TMEM165: variants seen among roughly 807,000 people sequenced by gnomAD.
The protein encoded by TMEM165 is putative divalent cation/proton antiporter TMEM165.
TMEM165 carries 19 observed loss-of-function variants against 30.0 expected under a neutral mutation model. The ratio of observed to expected loss-of-function variants is 0.63; its 90% CI spans 0.44 to 0.93. The LOEUF (loss-of-function observed/expected upper bound fraction) is 0.93. Ranked by LOEUF, TMEM165 falls within the 40% of genes least tolerant of loss-of-function variation. TMEM165 has a pLI of 0.00. For missense variants in TMEM165, 340 were observed against 417.0 expected (o/e 0.82, Z 1.61); for synonymous variants, 168 against 162.9 (o/e 1.03, Z -0.24).
At chr4:55,408,207 G>C (rs1462994813) in intron 1 of TMEM165, among the ~76,000 whole-genome samples, 1 of 152,188 alleles carries the variant, frequency 6.6e-6, no homozygotes, top group Non-Finnish European at 1.5e-5. Context: ...TTGGTTGTAT[G>C]ATTTTGGCCA....
intron 4 of TMEM165, among the ~76,000 whole-genome samples, chr4:55,420,123 A>T (rs1206847210): frequency 0.057 from 2,287 of 40,374 alleles, 173 homozygotes; most frequent in African/African-American, 0.21. Context: ...ATATATATAC[A>T]TATATATTTA....
chr4:55,451,088 C>T (rs1724403552), intron 3 of TMEM165, among the ~76,000 whole-genome samples: 1 of 151,920 alleles, frequency 6.6e-6, no homozygotes, highest in African/African-American at 2.4e-5. Flanking sequence ...TCCCTTCCTA[C>T]CACTGCCCCA....
intron 3 of TMEM165, chr4:55,442,687 G>T: frequency 7.0e-7 from 1 of 1,438,542 alleles, no homozygotes; most frequent in Non-Finnish European, 9.7e-7. Flanking sequence ...TAATTATTTG[G>T]GAAGTATGCT....
At position 55,425,650 on chromosome 4, in the gene TMEM165, A is replaced by C. The variant is rs1268650620; in HGVS notation, c.*198A>C. On this transcript the variant is annotated 3_prime_UTR_variant, in exon 6 of 6. Transcript: ENST00000381334. ...GAGTTTTAAAAGAAACCTGACTTCT[A>C]AGTGTGGGTTTTTCTTCTCTCCAAC... 1 of 497,050 alleles carries C rather than the reference A, an allele frequency of 2.0e-6. No individual in the cohort carries two copies. The highest frequency in any genetic ancestry group is 3.6e-5 in the East Asian group (1 of 27,672). 30.8% of individuals were successfully genotyped at this position (497,050 alleles called of 1,614,324 possible).
intron 3 of TMEM165, chr4:55,443,999 A>T (rs1723585194): frequency 1.1e-5 from 11 of 978,824 alleles, no homozygotes; most frequent in Non-Finnish European, 1.7e-5. Context: ...TTTAAAAAGC[A>T]AGTAACAAGG....
chr4:55,453,396 T>A (rs902289451), exon 4 of TMEM165: 3 of 485,238 alleles, frequency 6.2e-6, no homozygotes, highest in African/African-American at 5.8e-5. Context: ...TATGCTTATC[T>A]ACCTACAGTT....
At chr4:55,415,201 A>G (rs1721673918) in intron 2 of TMEM165, 1 of 152,178 alleles carries the variant, frequency 6.6e-6, no homozygotes, top group Non-Finnish European at 1.5e-5. Context: ...ACTGCCAGCA[A>G]GAGCTCTCCT....
rs189003189 is a variant in TMEM165 at position 55,448,842 on chromosome 4, T to C, written c.409-3397T>C. The C allele has an allele frequency of 1.9e-6, 3 of 1,613,928 alleles. No individual in the cohort carries two copies. The African/African-American group carries it at 4.0e-5, about 22-fold the overall frequency. On this transcript the variant is annotated intron_variant, in intron 3 of 3. Transcript: ENST00000608091. ...GAGACATCACTGGCTGTGTTAATGATGAACCAACAGACTGGGAATTTATGG... is the reference window on the plus strand; with the variant it reads ...GAGACATCACTGGCTGTGTTAATGACGAACCAACAGACTGGGAATTTATGG...
intron 1 of TMEM165, among the ~76,000 whole-genome samples, chr4:55,399,944 T>C (rs866732986): frequency 6.6e-6 from 1 of 150,864 alleles, no homozygotes; most frequent in Non-Finnish European, 1.5e-5. Flanking sequence ...TCATTTTAGT[T>C]AGGCATTTAT....
rs1241099369 is a variant in TMEM165, at chr4:55,396,187, G to T, written c.-3G>T. On this transcript the variant is annotated 5_prime_UTR_variant, in exon 1 of 6. Coordinates refer to ENST00000381334, the MANE Select transcript of TMEM165 (RefSeq NM_018475.5). ...CCCGTGCGCGGCCGGCCCGGCAGGC[G>T]GGATGGCGGCCGCGGCTCCAGGGAA... is the stretch of plus-strand genomic sequence containing the variant. The T allele has an allele frequency of 7.1e-7, 1 of 1,405,410 alleles. No individual in the cohort carries two copies. Among genetic ancestry groups the T allele is most frequent in the Non-Finnish European group, 9.2e-7 (1 of 1,087,092 alleles). 87.1% of individuals were successfully genotyped at this position (1,405,410 alleles called of 1,614,324 possible).
chr4:55,425,590 T>C lies in TMEM165; in HGVS notation c.*138T>C, dbSNP rs569134249. ...TTTGTGAGTTTGACCCATTATTATGTCTGAGATATAATCATTGATTCTATT... is the reference window on the plus strand; with the variant it reads ...TTTGTGAGTTTGACCCATTATTATGCCTGAGATATAATCATTGATTCTATT... On this transcript the variant is annotated 3_prime_UTR_variant, in exon 6 of 6. Transcript: ENST00000381334. 2.0e-5 allele frequency: 13 copies of C among 638,738 alleles called. No individual in the cohort carries two copies. In the South Asian group the frequency reaches 2.8e-4, roughly 14 times the overall value. 39.6% of individuals were successfully genotyped at this position (638,738 alleles called of 1,614,324 possible).
chr4:55,448,422 T>A (rs1724059685), intron 3 of TMEM165, among the ~76,000 whole-genome samples: 1 of 152,170 alleles, frequency 6.6e-6, no homozygotes, highest in Non-Finnish European at 1.5e-5. Context: ...TTCTTTGTTG[T>A]GCAAGACTCT....
At chr4:55,411,577 T>C (rs1367032654) in intron 1 of TMEM165, 37 bp from the exon 2 acceptor site, 1 of 1,523,346 alleles carries the variant, frequency 6.6e-7, no homozygotes, top group East Asian at 2.3e-5. Context: ...TAATTTTGAA[T>C]AATGATTTTA....
intron 3 of TMEM165, among the ~76,000 whole-genome samples, chr4:55,448,611 T>C (rs398051420): frequency 0.038 from 3,127 of 81,536 alleles, 44 homozygotes; most frequent in African/African-American, 0.072. Flanking sequence ...CGTGTGTGTG[T>C]GTGTGTGTGT....
intron 1 of TMEM165, among the ~76,000 whole-genome samples, chr4:55,404,044 C>CT (rs1721166560): frequency 1.9e-5 from 2 of 106,804 alleles, no homozygotes; most frequent in African/African-American, 3.8e-5. Context: ...TTCTTTCTTT[C>CT]CTTTTTTTTT....
Position 55,417,816 on chromosome 4 carries a change from A to C in TMEM165, c.623A>C (p.Lys208Thr), listed in dbSNP as rs1721800356. 1 of 1,600,114 alleles carries C rather than the reference A, an allele frequency of 6.2e-7. No individual in the cohort carries two copies. ...KKKDEEFQRT[K>T]LLNGPGDVET... The stretch of plus-strand genomic sequence containing the variant: ...TATTTATTTTAGTTTCAACGAACCA[A>C]ACTTTTAAATGGACCGGGAGATGTT... Residue 208 changes from lysine to threonine, a missense_variant, in exon 4 of 6, where the codon AAA becomes ACA. Physicochemically the swap from Lys to Thr is moderately conservative, Grantham distance 78. Coordinates refer to ENST00000381334, the MANE Select transcript of TMEM165 (RefSeq NM_018475.5).
rs1722172423 is a variant in TMEM165, at chr4:55,425,844, AGAAT to A, written c.*397_*400del. On this transcript the variant is annotated 3_prime_UTR_variant, in exon 6 of 6. Coordinates refer to ENST00000381334, the MANE Select transcript of TMEM165 (RefSeq NM_018475.5). The stretch of plus-strand genomic sequence containing the variant: ...TTACCTTAAAGTTTTTCTTGGGGAA[AGAAT>A]GAATTAATTTCTATTTCTTAAAACA... 6.5e-6 allele frequency: 1 copy of A among 154,652 alleles called. No homozygotes were observed. The highest frequency in any genetic ancestry group is 2.4e-5 in the African/African-American group (1 of 41,556). The allele number at this position is 154,652 out of a possible 1,614,324, so 9.6% of individuals were successfully genotyped here. A position where few individuals can be genotyped will look rare whatever the true frequency, so the allele number is the denominator to read the frequency against.
exon 4 of TMEM165, chr4:55,453,339 C>T (rs1724635915): frequency 1.5e-5 from 8 of 528,232 alleles, no homozygotes; most frequent in South Asian, 1.3e-4. Context: ...TGTAAACGAT[C>T]CATAACCACA....
intron 3 of TMEM165, among the ~76,000 whole-genome samples, chr4:55,441,204 T>G (rs1282128951): frequency 1.3e-5 from 2 of 152,128 alleles, no homozygotes; most frequent in Admixed American, 6.5e-5. Flanking sequence ...AAACTCAACT[T>G]AAAACCACAA....
Sources: gnomAD v4.1 joint callset for allele counts (sites outside exome capture counted in the v4.1 genomes callset) on GRCh38, gnomAD v4.1.1 for gene constraint, MANE v1.5 for transcripts, NCBI Gene and HGNC (gene_info 2026-07-23, HGNC 2026-07-21) for gene names.